Variants in CHLSN observed in about 807,000 individuals in gnomAD.
CHLSN encodes the protein cholesin.
chr7:993,220 G>A, the CHLSN span, among the ~76,000 whole-genome samples: 1 of 152,216 alleles, frequency 6.6e-6, no homozygotes, highest in Admixed American at 6.5e-5. Flanking sequence ...GGGGACGGCA[G>A]CTGGAGCGCG....
At chr7:1,030,328 G>T in the CHLSN span, among the ~76,000 whole-genome samples, 1 of 152,226 alleles carries the variant, frequency 6.6e-6, no homozygotes, top group South Asian at 2.1e-4. Flanking sequence ...CCGGGGACCA[G>T]GTTTCTTCTC....
At chr7:1,078,190 G>C in the CHLSN span, among the ~76,000 whole-genome samples, 1 of 152,224 alleles carries the variant, frequency 6.6e-6, no homozygotes, top group Non-Finnish European at 1.5e-5. Context: ...TCAGCTGCCA[G>C]ATATGCAGCT....
the CHLSN span, chr7:983,472 A>G: frequency 3.1e-6 from 4 of 1,283,222 alleles, no homozygotes; most frequent in Non-Finnish European, 4.1e-6. Context: ...CCCGGTTTCC[A>G]CTGCCTGTTC....
chr7:1,016,481 C>T, the CHLSN span, among the ~76,000 whole-genome samples: 1 of 119,636 alleles, frequency 8.4e-6, no homozygotes, highest in Non-Finnish European at 1.7e-5. Context: ...AGCAGCACAG[C>T]AGCACACAGC....
At chr7:1,013,972 C>T in the CHLSN span, among the ~76,000 whole-genome samples, 1 of 152,218 alleles carries the variant, frequency 6.6e-6, no homozygotes, top group African/African-American at 2.4e-5. Flanking sequence ...GACCTGCACC[C>T]ACACAGATAA....
At chr7:1,135,814 A>G in the CHLSN span, among the ~76,000 whole-genome samples, 2 of 141,638 alleles carry the variant, frequency 1.4e-5, no homozygotes, top group Non-Finnish European at 3.0e-5. Flanking sequence ...TTATTTATTT[A>G]TATAAAATAA....
the CHLSN span, among the ~76,000 whole-genome samples, chr7:1,030,708 G>C: frequency 1.8e-3 from 269 of 151,096 alleles, 1 homozygote; most frequent in African/African-American, 6.4e-3. Flanking sequence ...AGGCAGGCGG[G>C]GACTCTCTCT....
the CHLSN span, among the ~76,000 whole-genome samples, chr7:994,843 A>C: frequency 6.6e-6 from 1 of 152,364 alleles, no homozygotes; most frequent in East Asian, 1.9e-4. Context: ...GCTTTGTCAC[A>C]GCCCATCGCT....
chr7:1,080,332 C>T, the CHLSN span, among the ~76,000 whole-genome samples: 9 of 152,266 alleles, frequency 5.9e-5, no homozygotes, highest in African/African-American at 1.7e-4. Flanking sequence ...ACACAGACCG[C>T]GGCACAGCCC....
At chr7:1,098,608 G>A in the CHLSN span, among the ~76,000 whole-genome samples, 2 of 152,032 alleles carry the variant, frequency 1.3e-5, no homozygotes, top group African/African-American at 4.8e-5. Context: ...GTGAGATAAA[G>A]CAGACACGAG....
the CHLSN span, among the ~76,000 whole-genome samples, chr7:991,298 C>G: frequency 6.6e-6 from 1 of 152,186 alleles, no homozygotes; most frequent in African/African-American, 2.4e-5. Flanking sequence ...GACCTCTCAC[C>G]CCATCTCACC....
chr7:1,136,568 A>ATATG, the CHLSN span, among the ~76,000 whole-genome samples: 2 of 34,316 alleles, frequency 5.8e-5, no homozygotes, highest in African/African-American at 1.8e-4. Flanking sequence ...ATAAACATAT[A>ATATG]AACATAAACA....
At chr7:1,057,624 G>A in the CHLSN span, 2 of 769,820 alleles carry the variant, frequency 2.6e-6, no homozygotes, top group East Asian at 2.4e-5. Flanking sequence ...CCTGGTGGTG[G>A]GCGTGCCAGT....
At chr7:1,090,375 C>T in the CHLSN span, among the ~76,000 whole-genome samples, 1 of 152,234 alleles carries the variant, frequency 6.6e-6, no homozygotes, top group African/African-American at 2.4e-5. Flanking sequence ...CACAGTGACA[C>T]GGGGCAGGTG....
At chr7:1,120,222 C>A in the CHLSN span, among the ~76,000 whole-genome samples, 6 of 152,298 alleles carry the variant, frequency 3.9e-5, no homozygotes, top group African/African-American at 1.4e-4. Context: ...CCAGAGCCGC[C>A]AAGATTAAGA....
At chr7:1,059,714 T>TG in the CHLSN span, among the ~76,000 whole-genome samples, 3 of 33,078 alleles carry the variant, frequency 9.1e-5, no homozygotes, top group African/African-American at 3.4e-4. Flanking sequence ...GAGGTGGGTC[T>TG]TAGCGGGGCG....
the CHLSN span, among the ~76,000 whole-genome samples, chr7:1,079,337 C>G: frequency 6.6e-6 from 1 of 152,206 alleles, no homozygotes. Context: ...ATGGGGACAC[C>G]TCAAATCACA....
At chr7:993,060 G>A in the CHLSN span, among the ~76,000 whole-genome samples, 1 of 152,214 alleles carries the variant, frequency 6.6e-6, no homozygotes, top group Non-Finnish European at 1.5e-5. Context: ...GGTGAGGCTT[G>A]GAGGAGTCTG....
At chr7:1,085,101 G>A in the CHLSN span, among the ~76,000 whole-genome samples, 5,527 of 152,332 alleles carry the variant, frequency 0.036, 327 homozygotes, top group African/African-American at 0.12. Flanking sequence ...GCATTCACTC[G>A]GGAGGGCTCC....
Sources: allele counts gnomAD v4.1 joint callset (sites outside exome capture counted in the v4.1 genomes callset), GRCh38; gene constraint gnomAD v4.1.1; transcripts MANE v1.5; gene names NCBI Gene and HGNC (gene_info 2026-07-23, HGNC 2026-07-21).